Variants in LYST observed in about 807,000 individuals in gnomAD.
LYST encodes the protein lysosomal-trafficking regulator.
A neutral mutation model predicts 413.6 loss-of-function variants in LYST; 192 were observed. The observed-to-expected ratio is 0.46, with a 90% CI of 0.41 to 0.52. The LOEUF (loss-of-function observed/expected upper bound fraction) is 0.52, where lower values mean the gene tolerates loss of function less well. Among genes scored for constraint, LYST ranks in the 20% least tolerant of loss-of-function variants. The probability of loss-of-function intolerance (pLI) is 0.00; values close to 1 mark genes in which losing one functional copy is unlikely to be tolerated. For synonymous variants in LYST, 1,525 were observed against 1,567.3 expected (o/e 0.97, Z 0.64); for missense variants, 3,815 against 4,499.9 (o/e 0.85, Z 4.35).
intron 1 of LYST, among the ~76,000 whole-genome samples, chr1:235,861,277 CTTGA>C (rs1322951353): frequency 1.1e-4 from 17 of 152,070 alleles, no homozygotes; most frequent in African/African-American, 1.7e-4. Flanking sequence ...TGATTCCTTT[CTTGA>C]TTAAGATAAT....
chr1:235,865,214 C>G (rs1191980418), intron 1 of LYST, among the ~76,000 whole-genome samples: 1 of 152,132 alleles, frequency 6.6e-6, no homozygotes, highest in African/African-American at 2.4e-5. Flanking sequence ...ATGGATTACC[C>G]CTCACTTACT....
intron 45 of LYST, among the ~76,000 whole-genome samples, chr1:235,700,174 G>A (rs1308540079): frequency 2.0e-5 from 3 of 152,088 alleles, no homozygotes; most frequent in Admixed American, 2.0e-4. Context: ...ACATAGGCAC[G>A]GGCAAAGATT....
chr1:235,712,365 T>A, intron 42 of LYST, 168 bp from the exon 43 acceptor site: 1 of 576,086 alleles, frequency 1.7e-6, no homozygotes, highest in Non-Finnish European at 3.0e-6. Flanking sequence ...AATATTTCTA[T>A]AAACTTGAGA....
At chr1:235,679,956 A>C (rs1357107532) in intron 48 of LYST, among the ~76,000 whole-genome samples, 4 of 151,998 alleles carry the variant, frequency 2.6e-5, no homozygotes, top group Non-Finnish European at 5.9e-5. Flanking sequence ...GTTTCTTACT[A>C]GCTTGTCAGA....
At chr1:235,757,228 C>G in intron 24 of LYST, 53 bp downstream of exon 24, 1 of 1,248,286 alleles carries the variant, frequency 8.0e-7, no homozygotes, top group Non-Finnish European at 1.1e-6. Context: ...TTTTAAATTA[C>G]ATATATATTT....
chr1:235,836,087 T>A (rs1676542187), intron 1 of LYST, among the ~76,000 whole-genome samples: 1 of 152,220 alleles, frequency 6.6e-6, no homozygotes, highest in Non-Finnish European at 1.5e-5. Flanking sequence ...AAATAATGTT[T>A]CACTTTTTCC....
rs1344189858 is a variant in LYST, at chr1:235,674,069, C to T, written c.11038+3022G>A. ...GGGGCAATAAGGCATGCCAGTCTCT[C>T]GTTACTATTCCCAGAAGTTACAGGC... On this transcript the variant is annotated intron_variant, in intron 50 of 52. Coordinates refer to ENST00000389793, the MANE Select transcript of LYST (RefSeq NM_000081.4). This position sits in a 1 kb window ranked among gnomAD's most constrained non-coding sequence, Gnocchi z 4.1. Among the ~76,000 whole-genome samples the T allele has an allele frequency of 3.9e-5, 6 of 152,138 alleles. No homozygotes were observed. The highest frequency in any genetic ancestry group is 9.7e-5 in the African/African-American group (4 of 41,436).
intron 21 of LYST, among the ~76,000 whole-genome samples, chr1:235,764,498 T>C (rs1053638336): frequency 1.4e-5 from 2 of 139,628 alleles, no homozygotes; most frequent in African/African-American, 5.3e-5. Context: ...TTCTTTTCTT[T>C]TTTTTTTTTT....
At chr1:235,824,663 T>C (rs184608470) in intron 3 of LYST, among the ~76,000 whole-genome samples, 2 of 152,352 alleles carry the variant, frequency 1.3e-5, no homozygotes, top group Non-Finnish European at 1.5e-5. Flanking sequence ...TGAGAATAAG[T>C]AGATTAAAAT....
intron 1 of LYST, among the ~76,000 whole-genome samples, chr1:235,874,101 G>T (rs1001153858): frequency 1.3e-5 from 2 of 152,104 alleles, no homozygotes; most frequent in Admixed American, 6.5e-5. Context: ...TGTGTGTTTC[G>T]CTGCCTCCTT....
At chr1:235,846,949 A>G (rs574815539) in intron 1 of LYST, among the ~76,000 whole-genome samples, 38 of 152,304 alleles carry the variant, frequency 2.5e-4, no homozygotes, top group African/African-American at 8.4e-4. Flanking sequence ...CTTGGAAAAC[A>G]TATCTGGGTG....
At chr1:235,826,005 G>A (rs989797662) in intron 3 of LYST, among the ~76,000 whole-genome samples, 1 of 152,120 alleles carries the variant, frequency 6.6e-6, no homozygotes, top group Non-Finnish European at 1.5e-5. Flanking sequence ...ACACAATGCA[G>A]TCTAGAAAGA....
At position 235,791,581 on chromosome 1, in the gene LYST, A is replaced by G; in HGVS notation, c.4543+118T>C. On this transcript the variant is annotated intron_variant, in intron 12 of 52. Transcript: ENST00000389793. ...AGGACCTACCACCACTAAGTAAGGC[A>G]TTTAAGGTGAAGAACATGTTAAGAG... 3.5e-6 allele frequency: 3 copies of G among 847,154 alleles called. No individual in the cohort carries two copies. In the South Asian group the frequency reaches 4.1e-5, roughly 12 times the overall value. The allele number at this position is 847,154 out of a possible 1,614,324, so 52.5% of individuals were successfully genotyped here.
intron 3 of LYST, among the ~76,000 whole-genome samples, chr1:235,822,485 CA>C (rs1444381570): frequency 1.3e-5 from 2 of 152,160 alleles, no homozygotes; most frequent in African/African-American, 4.8e-5. Context: ...ACAAGTTTCT[CA>C]ATCAAGAAGA....
chr1:235,790,920 C>G (rs1442016041), intron 12 of LYST, among the ~76,000 whole-genome samples: 1 of 151,978 alleles, frequency 6.6e-6, no homozygotes, highest in African/African-American at 2.4e-5. Flanking sequence ...AGAAGGAGAA[C>G]TTGAAATAAA....
intron 43 of LYST, among the ~76,000 whole-genome samples, chr1:235,710,304 G>A (rs1662306617): frequency 3.3e-5 from 5 of 152,318 alleles, no homozygotes; most frequent in Middle Eastern, 3.4e-3. Context: ...ATCGTACAGA[G>A]CAGCTGCATG....
At chr1:235,770,652 G>A (rs1668575069) in intron 19 of LYST, among the ~76,000 whole-genome samples, 1 of 152,162 alleles carries the variant, frequency 6.6e-6, no homozygotes, top group Non-Finnish European at 1.5e-5. Flanking sequence ...TTCAAAGAGT[G>A]TTGTTAAAAA....
rs144362985 is a variant in LYST at position 235,879,877 on chromosome 1, T to G, written n.454+3310A>C. Among the ~76,000 whole-genome samples, 861 of 152,264 alleles carry G rather than the reference T, an allele frequency of 5.7e-3. 5 individuals carry two copies. The highest frequency in any genetic ancestry group is 0.019 in the African/African-American group (803 of 41,570). On this transcript the variant is annotated intron_variant and non_coding_transcript_variant, in intron 1 of 11. Coordinates refer to the LYST transcript ENST00000465349. ...TTAGCCTCCCAAGTAGCTGGGATTA[T>G]GGGCATGCGCCACCACGCCCAGCTA...
chr1:235,703,226 T>G (rs754928599), intron 44 of LYST, among the ~76,000 whole-genome samples: 3 of 152,230 alleles, frequency 2.0e-5, no homozygotes, highest in Non-Finnish European at 2.9e-5. Context: ...GCTTTTAATT[T>G]AAGATCTGAG....
Sources: gnomAD v4.1 joint callset for allele counts (sites outside exome capture counted in the v4.1 genomes callset) on GRCh38, gnomAD v4.1.1 for gene constraint, Gnocchi (gnomAD v3.1) non-coding constraint, MANE v1.5 for transcripts, NCBI Gene and HGNC (gene_info 2026-07-23, HGNC 2026-07-21) for gene names.